Variants in LMNA observed in about 807,000 individuals in gnomAD.
The protein encoded by LMNA is lamin A/C, also known as lamin.
In LMNA, 20 loss-of-function variants were observed where a neutral mutation model predicts 70.4. The ratio of observed to expected loss-of-function variants is 0.28; its 90% CI spans 0.20 to 0.41. The LOEUF is 0.41. LMNA is among the 10% of genes least tolerant of loss of function. The probability of loss-of-function intolerance (pLI) is 1.00; values close to 1 mark genes in which losing one functional copy is unlikely to be tolerated. For missense variants in LMNA, 652 were observed against 917.2 expected, an observed-to-expected ratio of 0.71 and a Z score of 3.73; for synonymous variants, 339 against 372.8, an observed-to-expected ratio of 0.91 and a Z score of 1.04.
intron 3 of LMNA, among the ~76,000 whole-genome samples, chr1:156,100,163 CACTT>C (rs1452605186): frequency 6.6e-6 from 1 of 152,186 alleles, no homozygotes; most frequent in Non-Finnish European, 1.5e-5. Flanking sequence ...CCTCTCCACT[CACTT>C]AGAGGGAGTT....
At chr1:156,105,371 C>T (rs1047977795) in intron 3 of LMNA, among the ~76,000 whole-genome samples, 1 of 148,774 alleles carries the variant, frequency 6.7e-6, no homozygotes, top group Non-Finnish European at 1.5e-5. Context: ...CAGTCCCTTC[C>T]CCATCCCACA....
intron 1 of LMNA, chr1:156,130,002 G>A: frequency 1.5e-6 from 1 of 663,294 alleles, no homozygotes; most frequent in East Asian, 2.7e-5. Flanking sequence ...CCCAGACTGG[G>A]TCCTGAGAAA....
At chr1:156,084,329 G>GGGC (rs1553259237) in intron 2 of LMNA, among the ~76,000 whole-genome samples, 26 of 10,784 alleles carry the variant, frequency 2.4e-3, no homozygotes, top group South Asian at 0.011. Context: ...TCAGAAGGTC[G>GGGC]GGGGGTGGTG....
rs759083379 is a variant in LMNA, at chr1:156,135,895, C to A, written c.937-6C>A. The A allele has an allele frequency of 1.1e-5, 17 of 1,613,246 alleles. No individual in the cohort carries two copies. The highest frequency in any genetic ancestry group is 1.4e-5 in the Non-Finnish European group (17 of 1,179,786). On this transcript the variant is annotated splice_polypyrimidine_tract_variant and splice_region_variant and intron_variant, in intron 5 of 11. Coordinates refer to ENST00000368300, the MANE Select transcript of LMNA (RefSeq NM_170707.4). This position sits in a 1 kb window ranked among gnomAD's most constrained non-coding sequence, Gnocchi z 4.8. Reference sequence around the variant, plus strand: ...GAGCTCACCAAACCCTCCCACCCCCCTTCAGCTGGCAGCCAAGGAGGCGAA... The same window carrying A: ...GAGCTCACCAAACCCTCCCACCCCCATTCAGCTGGCAGCCAAGGAGGCGAA...
chr1:156,118,056 T>C (rs1649959993), intron 1 of LMNA, among the ~76,000 whole-genome samples: 1 of 147,814 alleles, frequency 6.8e-6, no homozygotes, highest in South Asian at 2.2e-4. Context: ...AGTTTTGGCC[T>C]CAAGCAATCC....
chr1:156,131,275 A>AAAT (rs554221491), intron 2 of LMNA, among the ~76,000 whole-genome samples: 22 of 150,764 alleles, frequency 1.5e-4, no homozygotes, highest in Non-Finnish European at 2.8e-4. Context: ...CGTCTCAAAA[A>AAAT]AATAATAATA....
chr1:156,129,230 C>T (rs1339561811), intron 1 of LMNA, among the ~76,000 whole-genome samples: 3 of 152,180 alleles, frequency 2.0e-5, no homozygotes, highest in Admixed American at 1.3e-4. Context: ...GGGGGAGCTT[C>T]CTCTGGCTTC....
At chr1:156,113,084 C>T (rs988861871), upstream of LMNA, among the ~76,000 whole-genome samples, 3 of 151,836 alleles carry the variant, frequency 2.0e-5, no homozygotes, top group Non-Finnish European at 4.4e-5. Flanking sequence ...TACCTGAGGT[C>T]GGGAGTTTGA....
At chr1:156,110,908 A>G (rs1649514961), upstream of LMNA, among the ~76,000 whole-genome samples, 1 of 152,138 alleles carries the variant, frequency 6.6e-6, no homozygotes, top group South Asian at 2.1e-4. Context: ...CATGGAAGGC[A>G]GAGGTTGCAG....
Position 156,137,322 on chromosome 1 carries a change from A to G in LMNA, c.1608+90A>G. 3.3e-6 allele frequency: 5 copies of G among 1,496,532 alleles called. No homozygotes were observed. The highest frequency in any genetic ancestry group is 2.0e-5 in the Admixed American group (1 of 50,934). The allele number at this position is 1,496,532 out of a possible 1,614,324, so 92.7% of individuals were successfully genotyped here. A position where few individuals can be genotyped will look rare whatever the true frequency, so the allele number is the denominator to read the frequency against. ...AGCTGCCCCCAACCCAAGTTTGCCA[A>G]TTCAGGGCCCCTTTCTAGAGCTCTC... On this transcript the variant is annotated intron_variant, in intron 9 of 11. Transcript: ENST00000368300. The surrounding 1 kb of genome is among the most constrained non-coding windows in gnomAD (Gnocchi z 4.6).
upstream of LMNA, chr1:156,109,820 A>ATGTGTGTG (rs71080747): frequency 0.013 from 1,586 of 123,602 alleles, 36 homozygotes; most frequent in African/African-American, 0.053. Context: ...GTGTGTGTGC[A>ATGTGTGTG]TATATATATA....
intron 3 of LMNA, among the ~76,000 whole-genome samples, chr1:156,106,454 TCACACGCGGCCGCC>T (rs920811793): frequency 6.6e-6 from 1 of 152,034 alleles, no homozygotes; most frequent in African/African-American, 2.4e-5. Flanking sequence ...ACACACAGAC[TCACACGCGGCCGCC>T]CACACGCAGT....
At chr1:156,096,803 C>T (rs1648952203) in intron 3 of LMNA, among the ~76,000 whole-genome samples, 1 of 152,260 alleles carries the variant, frequency 6.6e-6, no homozygotes, top group Non-Finnish European at 1.5e-5. Flanking sequence ...GCGCCAGGGC[C>T]TGTCGGTCTC....
In LMNA at chr1:156,084,333, G is replaced by GC. The variant is rs1353982639; in HGVS notation, c.-319+1149_-319+1150insC. ...AGCTGAGGATCTCAGAAGGTCGGGG[G>GC]GTGGTGGGGGCAGTTGGCACACTGC... On this transcript the variant is annotated intron_variant, in intron 2 of 12. Transcript: ENST00000368301. 5.8e-5 allele frequency among the ~76,000 whole-genome samples: 4 copies of GC among 68,518 alleles called. 1 individual carries two copies. In the South Asian group the frequency reaches 2.1e-3, roughly 36 times the overall value. 45.0% of individuals were successfully genotyped at this position (68,518 alleles called of 152,430 possible).
chr1:156,125,239 G>A (rs528523195), intron 1 of LMNA, among the ~76,000 whole-genome samples: 2 of 152,348 alleles, frequency 1.3e-5, no homozygotes, highest in East Asian at 3.9e-4. Flanking sequence ...GGGTAGGGAG[G>A]TTTTGGGTGA....
intron 3 of LMNA, among the ~76,000 whole-genome samples, chr1:156,094,074 A>G (rs1194508052): frequency 6.6e-6 from 1 of 152,148 alleles, no homozygotes; most frequent in Non-Finnish European, 1.5e-5. Context: ...CTGGGGCCGT[A>G]CACAGCAGGA....
intron 3 of LMNA, among the ~76,000 whole-genome samples, chr1:156,100,103 C>T (rs905911418): frequency 2.6e-5 from 4 of 152,112 alleles, no homozygotes; most frequent in Non-Finnish European, 4.4e-5. Context: ...CCTGGAGGTG[C>T]TGCACTTTGG....
chr1:156,091,583 T>C (rs1648705268), intron 3 of LMNA, among the ~76,000 whole-genome samples: 1 of 151,844 alleles, frequency 6.6e-6, no homozygotes, highest in African/African-American at 2.4e-5. Context: ...GCCTGGGCAA[T>C]AACAGCAAAA....
At chr1:156,133,013 G>A (rs1236902379) in intron 2 of LMNA, among the ~76,000 whole-genome samples, 1 of 151,452 alleles carries the variant, frequency 6.6e-6, no homozygotes, top group African/African-American at 2.4e-5. Context: ...CTACTTTTTG[G>A]ATTTTTAGTA....
Sources: allele counts gnomAD v4.1 joint callset (sites outside exome capture counted in the v4.1 genomes callset), GRCh38; gene constraint gnomAD v4.1.1; non-coding constraint Gnocchi (gnomAD v3.1); transcripts MANE v1.5; gene names NCBI Gene and HGNC (gene_info 2026-07-23, HGNC 2026-07-21).